The following LACC1 variants were observed in gnomAD, a reference collection of about 807,000 sequenced individuals.
The protein encoded by LACC1 is laccase domain multifunctional purine nucleosidase 1.
Under a neutral mutation model 34.8 loss-of-function variants are expected in LACC1, and 25 were observed. That is an observed-to-expected ratio of 0.72 (90% CI 0.52 to 1.00). The LOEUF is 1.00. LACC1 is among the 50% of genes least tolerant of loss of function. The pLI is 0.00. For missense variants in LACC1, 426 were observed against 511.2 expected, an observed-to-expected ratio of 0.83 and a Z score of 1.61; for synonymous variants, 162 against 168.0, an observed-to-expected ratio of 0.96 and a Z score of 0.28.
chr13:43,884,619 A>G (rs1348692831), intron 4 of LACC1, among the ~76,000 whole-genome samples: 3 of 152,206 alleles, frequency 2.0e-5, no homozygotes, highest in Non-Finnish European at 4.4e-5. Flanking sequence ...TGTTAAGGAT[A>G]TGGAATTTTG....
At chr13:43,889,092 T>C in intron 5 of LACC1, 110 bp downstream of exon 5, 2 of 804,934 alleles carry the variant, frequency 2.5e-6, no homozygotes, top group African/African-American at 1.7e-5. Context: ...GTGGTGGTTA[T>C]TTAAGCAGCT....
rs375149836 is a variant in LACC1 at position 43,882,542 on chromosome 13, T to TACAC, written c.741+192_741+195dup. 6.4e-3 allele frequency among the ~76,000 whole-genome samples: 854 copies of TACAC among 133,930 alleles called. 10 individuals carry two copies. Among genetic ancestry groups the TACAC allele is most frequent in the Middle Eastern group, 0.023 (6 of 264 alleles). The allele number at this position is 133,930 out of a possible 152,430, so 87.9% of individuals were successfully genotyped here. ...TAGCCTAAAGATAAGTTCTATTTTATACACACACACACACACGTGCAGATA... is the reference window on the plus strand; with the variant it reads ...TAGCCTAAAGATAAGTTCTATTTTATACACACACACACACACACACGTGCAGATA... On this transcript the variant is annotated intron_variant, in intron 3 of 6. Coordinates refer to ENST00000325686, the MANE Select transcript of LACC1 (RefSeq NM_153218.4).
intron 2 of LACC1, 107 bp downstream of exon 2, chr13:43,881,654 G>C: frequency 2.4e-6 from 2 of 827,502 alleles, no homozygotes; most frequent in Non-Finnish European, 3.7e-6. Context: ...GACTGTTGTG[G>C]GCTGATTACT....
At chr13:43,886,977 G>T (rs547725678) in intron 4 of LACC1, among the ~76,000 whole-genome samples, 2 of 152,180 alleles carry the variant, frequency 1.3e-5, no homozygotes, top group Admixed American at 6.6e-5. Context: ...CTGAGGAAGA[G>T]AGCTACTCTC....
upstream of LACC1, chr13:43,879,800 A>AGGCGAGGCGG (rs1555394175): frequency 0.015 from 1,165 of 77,662 alleles, 17 homozygotes; most frequent in South Asian, 0.03. Flanking sequence ...AGGCGGGGCG[A>AGGCGAGGCGG]GGCGAGGCGG....
rs115397718 is a variant in LACC1, at chr13:43,889,067, C to T, written c.1133+85C>T. The T allele has an allele frequency of 7.6e-4, 855 of 1,120,156 alleles. 3 individuals are homozygous for T. The African/African-American group carries it at 0.012, about 16-fold the overall frequency. 69.4% of individuals were successfully genotyped at this position (1,120,156 alleles called of 1,614,324 possible). On this transcript the variant is annotated intron_variant, in intron 5 of 6. Transcript: ENST00000325686. ...TTATTTTGGAGAACAATTAATAACT[C>T]TAAGAAGAATTTAGGTGGTGGTTAT...
intron 4 of LACC1, among the ~76,000 whole-genome samples, 191 bp from the exon 5 acceptor site, chr13:43,888,561 CCCATT>C (rs1241925605): frequency 2.0e-5 from 3 of 152,026 alleles, no homozygotes; most frequent in African/African-American, 7.2e-5. Flanking sequence ...GAAGAAAACT[CCCATT>C]ACATGTCTCT....
intron 3 of LACC1, among the ~76,000 whole-genome samples, chr13:43,882,566 T>TATATATAG (rs1555395035): frequency 2.1e-5 from 3 of 141,068 alleles, no homozygotes; most frequent in Non-Finnish European, 3.0e-5. Flanking sequence ...CACGTGCAGA[T>TATATATAG]ATATATATAT....
At chr13:43,879,353 A>C (rs1268853962), upstream of LACC1, 1 of 153,350 alleles carries the variant, frequency 6.5e-6, no homozygotes, top group Non-Finnish European at 1.4e-5. Flanking sequence ...TCCCTCCTCA[A>C]GGGGCCCCTA....
At chr13:43,890,332 T>C in intron 6 of LACC1, 58 bp downstream of exon 6, 1 of 1,375,576 alleles carries the variant, frequency 7.3e-7, no homozygotes, top group Non-Finnish European at 1.0e-6. Flanking sequence ...CTCTCTCCAC[T>C]TCTCCCTCCC....
At chr13:43,879,728 C>A, upstream of LACC1, 1 of 117,122 alleles carries the variant, frequency 8.5e-6, no homozygotes, top group East Asian at 2.2e-4. Context: ...TGTGCGGCCG[C>A]GGCGAGGTAG....
At chr13:43,886,225 C>G (rs1955314099) in intron 4 of LACC1, among the ~76,000 whole-genome samples, 2 of 152,144 alleles carry the variant, frequency 1.3e-5, no homozygotes, top group South Asian at 2.1e-4. Flanking sequence ...AAAATTAGAA[C>G]TACCATTCAA....
intron 2 of LACC1, 82 bp from the exon 3 acceptor site, chr13:43,882,103 T>C (rs1955095989): frequency 4.0e-6 from 4 of 1,009,470 alleles, no homozygotes; most frequent in Non-Finnish European, 5.8e-6. Flanking sequence ...CAAGGGCAGG[T>C]AGCAGTGATC....
chr13:43,890,242 C>G lies in LACC1; in HGVS notation c.1262C>G (p.Thr421Arg). The G allele has an allele frequency of 6.2e-7, 1 of 1,613,660 alleles. No individual in the cohort carries two copies. Among genetic ancestry groups the G allele is most frequent in the Non-Finnish European group, 8.5e-7 (1 of 1,179,812 alleles). ...SHVRDGLNFG[T>R]QIGFISIKE Reference sequence around the variant, plus strand: ...GTCCGAGATGGCCTTAATTTTGGTACACAGATTGGCTTCATATCAATTAAA... The same window carrying G: ...GTCCGAGATGGCCTTAATTTTGGTAGACAGATTGGCTTCATATCAATTAAA... The change falls in exon 6 of 7, where the codon ACA (threonine) becomes AGA (arginine). Residue 421 changes from threonine to arginine, a missense_variant. Thr to Arg is a moderately conservative substitution (Grantham distance 71). Coordinates refer to ENST00000325686, the MANE Select transcript of LACC1 (RefSeq NM_153218.4).
chr13:43,886,519 A>G (rs1001307260), intron 4 of LACC1, among the ~76,000 whole-genome samples: 2 of 152,192 alleles, frequency 1.3e-5, no homozygotes, highest in African/African-American at 4.8e-5. Context: ...ATCAGATACC[A>G]TATGTATCCT....
Position 43,889,057 on chromosome 13 carries a change from A to G in LACC1, c.1133+75A>G, listed in dbSNP as rs182851252. ...AAAATGAAATTTATTTTGGAGAACA[A>G]TTAATAACTCTAAGAAGAATTTAGG... On this transcript the variant is annotated intron_variant, in intron 5 of 6. Transcript: ENST00000325686. The G allele has an allele frequency of 9.0e-5, 110 of 1,221,410 alleles. 1 individual carries two copies. In the Admixed American group the frequency reaches 1.9e-3, roughly 21 times the overall value. 75.7% of individuals were successfully genotyped at this position (1,221,410 alleles called of 1,614,324 possible).
intron 6 of LACC1, among the ~76,000 whole-genome samples, chr13:43,890,766 A>G (rs1955537572): frequency 6.6e-6 from 1 of 152,224 alleles, no homozygotes; most frequent in South Asian, 2.1e-4. Flanking sequence ...ATTTTCAACT[A>G]GATTTCCAAA....
In LACC1 at chr13:43,890,630, A is replaced by G. The variant is rs371245837; in HGVS notation, c.*1+356A>G. ...AGTATTTCCTTTCTCTCTACTATGT[A>G]CTTGATATCTGTACATTCCCTATCC... On this transcript the variant is annotated intron_variant, in intron 6 of 6. Transcript: ENST00000325686. Among the ~76,000 whole-genome samples the G allele has an allele frequency of 5.9e-5, 9 of 152,314 alleles. No homozygotes were observed. The East Asian group carries it at 1.7e-3, about 29-fold the overall frequency.
At position 43,890,192 on chromosome 13, in the gene LACC1, C is replaced by A. The variant is rs909951014; in HGVS notation, c.1212C>A (p.Cys404Ter). 2 of 1,613,108 alleles carry A rather than the reference C, an allele frequency of 1.2e-6. No individual in the cohort carries two copies. The highest frequency in any genetic ancestry group is 1.7e-6 in the Non-Finnish European group (2 of 1,179,232). The change falls in exon 6 of 7, where the codon TGC (cysteine) becomes TGA (stop). Residue 404 changes from cysteine to a stop codon, truncating the protein, a stop_gained. Coordinates refer to ENST00000325686, the MANE Select transcript of LACC1 (RefSeq NM_153218.4). LOFTEE classifies it high-confidence loss of function. The part of the protein sequence containing the change: ...QNQDLNLCTS[C>*]HPDKFFSHVR... ...AAGATCTCAACCTCTGTACATCTTGCCATCCTGACAAGTTTTTCTCCCATG... is the reference window on the plus strand; with the variant it reads ...AAGATCTCAACCTCTGTACATCTTGACATCCTGACAAGTTTTTCTCCCATG...
Sources: allele counts gnomAD v4.1 joint callset (sites outside exome capture counted in the v4.1 genomes callset), GRCh38; gene constraint gnomAD v4.1.1; transcripts MANE v1.5; gene names NCBI Gene and HGNC (gene_info 2026-07-23, HGNC 2026-07-21).